Variants in CALN1 observed in about 807,000 individuals in gnomAD.
CALN1 encodes calneuron 1, also known as calcium-binding protein 8.
Under a neutral mutation model 30.6 loss-of-function variants are expected in CALN1, and 17 were observed. The ratio of observed to expected loss-of-function variants is 0.56; its 90% CI spans 0.38 to 0.83. The LOEUF (loss-of-function observed/expected upper bound fraction) is 0.83, where lower values mean the gene tolerates loss of function less well. Among genes scored for constraint, CALN1 ranks in the 40% least tolerant of loss-of-function variants. The probability of loss-of-function intolerance (pLI) is 0.00; values close to 1 mark genes in which losing one functional copy is unlikely to be tolerated. For missense variants in CALN1, 291 were observed against 354.9 expected (o/e 0.82, Z 1.45); for synonymous variants, 156 against 131.4 (o/e 1.19, Z -1.28).
At chr7:72,321,510 T>C (rs776883185) in intron 2 of CALN1, among the ~76,000 whole-genome samples, 32 of 152,032 alleles carry the variant, frequency 2.1e-4, no homozygotes, top group Admixed American at 1.1e-3. Context: ...TGGGCGAAAA[T>C]CGTAAACGTA....
At chr7:72,309,819 C>T (rs550524477) in intron 2 of CALN1, among the ~76,000 whole-genome samples, 1 of 152,308 alleles carries the variant, frequency 6.6e-6, no homozygotes, top group African/African-American at 2.4e-5. Flanking sequence ...CTGAAACGAC[C>T]TTCCTTCATC....
At chr7:71,864,975 C>T (rs1469819707) in intron 5 of CALN1, among the ~76,000 whole-genome samples, 2 of 151,802 alleles carry the variant, frequency 1.3e-5, no homozygotes, top group Non-Finnish European at 2.9e-5. Flanking sequence ...TGCACTCCAG[C>T]CTGGATGACA....
rs548071642 is a variant in CALN1 at position 71,972,571 on chromosome 7, G to A, written c.501+51086C>T. ...GTATCCTCTTTTCCTTTGGTATTTT[G>A]TCGCAAGTGATAAATGATGTCAGAC... On this transcript the variant is annotated intron_variant, in intron 5 of 6. Transcript: ENST00000395275. 5.3e-5 allele frequency among the ~76,000 whole-genome samples: 8 copies of A among 152,256 alleles called. No individual in the cohort carries two copies. The South Asian group carries it at 1.7e-3, about 32-fold the overall frequency.
At chr7:72,382,225 G>A (rs904298683) in intron 2 of CALN1, among the ~76,000 whole-genome samples, 2 of 152,128 alleles carry the variant, frequency 1.3e-5, no homozygotes, top group African/African-American at 2.4e-5. Flanking sequence ...CTATATCCAG[G>A]GAGATTAGCA....
At chr7:72,048,041 C>CTTCTTTT (rs1465309869) in intron 4 of CALN1, among the ~76,000 whole-genome samples, 1 of 127,612 alleles carries the variant, frequency 7.8e-6, no homozygotes, top group Admixed American at 8.2e-5. Context: ...TCTTCTTCTT[C>CTTCTTTT]TTTTTTTTTT....
chr7:71,980,174 G>T (rs1261473909), intron 5 of CALN1, among the ~76,000 whole-genome samples: 1 of 143,656 alleles, frequency 7.0e-6, no homozygotes, highest in Non-Finnish European at 1.5e-5. Flanking sequence ...ACCATGCCTG[G>T]CCTCTTCTTT....
chr7:72,104,227 T>G (rs1383266196), intron 4 of CALN1: 1 of 152,566 alleles, frequency 6.6e-6, no homozygotes, highest in African/African-American at 2.4e-5. Context: ...CCCTCTGGTC[T>G]TGGGTTAGGA....
chr7:72,364,906 A>G (rs550250589), intron 2 of CALN1, among the ~76,000 whole-genome samples: 1 of 151,692 alleles, frequency 6.6e-6, no homozygotes, highest in Non-Finnish European at 1.5e-5. Flanking sequence ...ATGGTGGCAC[A>G]CACCTGCAAT....
At chr7:72,285,201 G>C (rs1798003955) in intron 2 of CALN1, among the ~76,000 whole-genome samples, 1 of 152,078 alleles carries the variant, frequency 6.6e-6, no homozygotes, top group South Asian at 2.1e-4. Context: ...GTATATTTTT[G>C]CTTCTTTTAT....
At chr7:71,936,797 G>A (rs755527474) in intron 5 of CALN1, among the ~76,000 whole-genome samples, 1 of 152,028 alleles carries the variant, frequency 6.6e-6, no homozygotes, top group Non-Finnish European at 1.5e-5. Flanking sequence ...ATGTGTTATC[G>A]GAGAGCCTGG....
chr7:72,308,105 T>C lies in CALN1; in HGVS notation c.120-29295A>G, dbSNP rs190156747. The stretch of plus-strand genomic sequence containing the variant: ...AGGGCTGGGTGCAGTGGCTCACACC[T>C]GTAATCCCAGGACTTTGGGGGGCCG... On this transcript the variant is annotated intron_variant, in intron 2 of 6. Transcript: ENST00000395275. Among the ~76,000 whole-genome samples the C allele has an allele frequency of 3.3e-5, 5 of 152,246 alleles. No individual in the cohort carries two copies. The East Asian group carries it at 9.7e-4, about 29-fold the overall frequency.
chr7:72,406,885 G>C (rs1228438853), intron 1 of CALN1, among the ~76,000 whole-genome samples: 1 of 152,018 alleles, frequency 6.6e-6, no homozygotes, highest in Non-Finnish European at 1.5e-5. Context: ...CAAAGTGCTG[G>C]GATTACAGAC....
intron 5 of CALN1, among the ~76,000 whole-genome samples, chr7:71,995,813 TGCCCAGAGATTGGA>T (rs1191298815): frequency 6.6e-6 from 1 of 151,218 alleles, no homozygotes; most frequent in Admixed American, 6.6e-5. Flanking sequence ...ACTATACTGT[TGCCCAGAGATTGGA>T]GGCAACAGTA....
chr7:71,825,798 C>A (rs1422458988), intron 5 of CALN1, among the ~76,000 whole-genome samples: 2 of 151,830 alleles, frequency 1.3e-5, no homozygotes, highest in Admixed American at 6.6e-5. Context: ...TCTGAGAGGC[C>A]GAGGCAGGCT....
intron 5 of CALN1, among the ~76,000 whole-genome samples, chr7:71,833,577 GA>G (rs66818847): frequency 1.3e-3 from 163 of 121,088 alleles, no homozygotes; most frequent in African/African-American, 3.2e-3. Context: ...ACATGGTAAA[GA>G]AAAAAAAAAA....
At chr7:72,206,015 TC>T (rs1791853268) in intron 3 of CALN1, among the ~76,000 whole-genome samples, 1 of 152,178 alleles carries the variant, frequency 6.6e-6, no homozygotes, top group South Asian at 2.1e-4. Context: ...TTTACTGGTC[TC>T]CCTGCTTTCA....
At chr7:72,339,168 T>G (rs937241561) in intron 2 of CALN1, among the ~76,000 whole-genome samples, 1 of 152,238 alleles carries the variant, frequency 6.6e-6, no homozygotes. Context: ...TTTTTATGGC[T>G]GAATAGTGCT....
chr7:71,942,318 G>T, intron 5 of CALN1: 1 of 183,452 alleles, frequency 5.5e-6, no homozygotes, highest in South Asian at 1.1e-4. Flanking sequence ...TCCTGGGCAG[G>T]ACCGGCTCTC....
chr7:71,861,009 G>A (rs1381077646), intron 5 of CALN1, among the ~76,000 whole-genome samples: 1 of 152,040 alleles, frequency 6.6e-6, no homozygotes, highest in South Asian at 2.1e-4. Flanking sequence ...AACATGTGTG[G>A]GTCTTCAAAG....
Sources: gnomAD v4.1 joint callset for allele counts (sites outside exome capture counted in the v4.1 genomes callset) on GRCh38, gnomAD v4.1.1 for gene constraint, MANE v1.5 for transcripts, NCBI Gene and HGNC (gene_info 2026-07-23, HGNC 2026-07-21) for gene names.